The following CRADD variants were observed in gnomAD, a reference collection of about 807,000 sequenced individuals.
CRADD encodes death domain-containing protein CRADD.
In CRADD, 9 loss-of-function variants were observed where a neutral mutation model predicts 15.5. That is an observed-to-expected ratio of 0.58 (90% CI 0.35 to 1.01). The LOEUF is 1.01. CRADD is among the 50% of genes least tolerant of loss of function. The pLI, the probability that CRADD is intolerant of heterozygous loss-of-function variation, is 0.02. For synonymous variants in CRADD, 118 were observed against 107.6 expected (o/e 1.10, Z -0.60); for missense variants, 227 against 250.3 (o/e 0.91, Z 0.63).
intron 2 of CRADD, among the ~76,000 whole-genome samples, chr12:93,730,022 G>A (rs980665439): frequency 1.1e-4 from 17 of 152,136 alleles, no homozygotes; most frequent in Admixed American, 7.2e-4. Flanking sequence ...ACAAATGGCC[G>A]CTGAATTCTT....
rs530190377 is a variant in CRADD, at chr12:93,882,582, A to G, written c.299-11468A>G. Among the ~76,000 whole-genome samples, 32 of 152,266 alleles carry G rather than the reference A, an allele frequency of 2.1e-4. No individual in the cohort carries two copies. In the South Asian group the frequency reaches 2.3e-3, roughly 11 times the overall value. On this transcript the variant is annotated intron_variant, in intron 2 of 2. Transcript: ENST00000548483. ...GAGGGCCTTGTTTTTGAGATACATC[A>G]TGAATATAATGTCTATTTATACCTC...
chr12:93,684,651 G>A (rs923537655), intron 2 of CRADD, among the ~76,000 whole-genome samples: 4 of 152,182 alleles, frequency 2.6e-5, no homozygotes, highest in Non-Finnish European at 4.4e-5. Context: ...CAGATAATAA[G>A]CAAATGAATA....
intron 2 of CRADD, among the ~76,000 whole-genome samples, chr12:93,766,036 T>G (rs1225805358): frequency 2.0e-5 from 3 of 152,304 alleles, no homozygotes; most frequent in Non-Finnish European, 4.4e-5. Flanking sequence ...CTGAGGAACA[T>G]TTGTTTAGCT....
intron 2 of CRADD, among the ~76,000 whole-genome samples, chr12:93,793,168 C>T (rs546043575): frequency 1.3e-5 from 2 of 152,186 alleles, no homozygotes; most frequent in East Asian, 3.9e-4. Flanking sequence ...TGCATCCTTC[C>T]CCCAGTTTAC....
At chr12:93,825,286 C>T (rs1177964052) in intron 2 of CRADD, among the ~76,000 whole-genome samples, 1 of 152,176 alleles carries the variant, frequency 6.6e-6, no homozygotes, top group East Asian at 1.9e-4. Flanking sequence ...AGAGAATCAT[C>T]TAGAAGAGCA....
At chr12:93,865,240 TC>T (rs1214002652) in intron 2 of CRADD, among the ~76,000 whole-genome samples, 1 of 151,880 alleles carries the variant, frequency 6.6e-6, no homozygotes, top group Non-Finnish European at 1.5e-5. Context: ...CCTTCCCCAC[TC>T]CCCCAACCCC....
intron 2 of CRADD, among the ~76,000 whole-genome samples, chr12:93,820,573 C>T (rs944294761): frequency 1.3e-5 from 2 of 151,608 alleles, no homozygotes; most frequent in African/African-American, 2.4e-5. Flanking sequence ...GAAAAAAAAG[C>T]ATGCTCCCCT....
chr12:93,818,821 G>T (rs1488646551), intron 2 of CRADD, among the ~76,000 whole-genome samples: 2 of 152,168 alleles, frequency 1.3e-5, no homozygotes, highest in African/African-American at 4.8e-5. Flanking sequence ...CTCCCAAAGA[G>T]ACAGAGCATG....
At chr12:93,827,487 C>T (rs537663855) in intron 2 of CRADD, among the ~76,000 whole-genome samples, 3 of 152,200 alleles carry the variant, frequency 2.0e-5, no homozygotes, top group East Asian at 1.9e-4. Context: ...TTTGTTTCGT[C>T]GGCTATTACA....
rs556735382 is a variant in CRADD at position 93,883,774 on chromosome 12, A to G, written c.299-10276A>G. On this transcript the variant is annotated intron_variant, in intron 2 of 2. Transcript: ENST00000548483. The stretch of plus-strand genomic sequence containing the variant: ...GTTAAGCCCAGAAGTCCTAGGCTGC[A>G]GTGAGCTAGGATCCTACCACAGTAC... 1.7e-3 allele frequency among the ~76,000 whole-genome samples: 253 copies of G among 152,356 alleles called. 2 individuals are homozygous for G. The highest frequency in any genetic ancestry group is 5.9e-3 in the African/African-American group (244 of 41,582).
At chr12:93,703,978 CTTTTTTTTTT>C (rs71071759) in intron 2 of CRADD, among the ~76,000 whole-genome samples, 3 of 90,270 alleles carry the variant, frequency 3.3e-5, no homozygotes, top group African/African-American at 8.0e-5. Context: ...TGGAGCCTTT[CTTTTTTTTTT>C]TTTTTTTTTT....
At chr12:93,885,214 A>C (rs1958527884) in intron 2 of CRADD, among the ~76,000 whole-genome samples, 1 of 152,244 alleles carries the variant, frequency 6.6e-6, no homozygotes, top group East Asian at 1.9e-4. Flanking sequence ...TAGTGGTCAC[A>C]TCAGGTCAAA....
At chr12:93,771,276 T>C (rs1024153443) in intron 2 of CRADD, among the ~76,000 whole-genome samples, 13 of 152,186 alleles carry the variant, frequency 8.5e-5, no homozygotes, top group African/African-American at 3.1e-4. Context: ...GTGAGTTCTA[T>C]CATTTTAAAC....
chr12:93,797,818 C>T (rs1338966417), intron 2 of CRADD, among the ~76,000 whole-genome samples: 1 of 152,130 alleles, frequency 6.6e-6, no homozygotes, highest in Non-Finnish European at 1.5e-5. Flanking sequence ...ACACATTCAG[C>T]CAAATGTGCC....
chr12:93,854,048 G>A (rs569957097), downstream of CRADD, among the ~76,000 whole-genome samples: 2 of 152,298 alleles, frequency 1.3e-5, no homozygotes, highest in East Asian at 1.9e-4. Context: ...TTTTAATTTT[G>A]TTCTCAATTA....
chr12:93,766,084 A>C (rs566595868), intron 2 of CRADD, among the ~76,000 whole-genome samples: 1 of 152,232 alleles, frequency 6.6e-6, no homozygotes, highest in Non-Finnish European at 1.5e-5. Context: ...AGCATTCTAC[A>C]AGAAATCTTA....
chr12:93,686,304 C>A (rs35977966), intron 2 of CRADD, among the ~76,000 whole-genome samples: 2,736 of 65,860 alleles, frequency 0.042, 123 homozygotes, highest in African/African-American at 0.11. Flanking sequence ...CCATCCCCCC[C>A]AAAAAAAAAA....
chr12:93,887,485 G>A (rs1274344753), intron 2 of CRADD, among the ~76,000 whole-genome samples: 2 of 152,238 alleles, frequency 1.3e-5, no homozygotes, highest in African/African-American at 4.8e-5. Flanking sequence ...TCTTAAATAT[G>A]TCGAAGGAGA....
intron 2 of CRADD, among the ~76,000 whole-genome samples, chr12:93,741,228 G>A (rs1956661805): frequency 6.6e-6 from 1 of 152,128 alleles, no homozygotes; most frequent in South Asian, 2.1e-4. Context: ...TTTAAGATGA[G>A]TTTTATTGCT....
Sources: allele counts gnomAD v4.1 joint callset (sites outside exome capture counted in the v4.1 genomes callset), GRCh38; gene constraint gnomAD v4.1.1; transcripts MANE v1.5; gene names NCBI Gene and HGNC (gene_info 2026-07-23, HGNC 2026-07-21).